The following IGSF5 variants were observed in gnomAD, a reference collection of about 807,000 sequenced individuals.
IGSF5 encodes the protein immunoglobulin superfamily 5 like.
IGSF5 carries 41 observed loss-of-function variants against 39.4 expected under a neutral mutation model. The ratio of observed to expected loss-of-function variants is 1.04; its 90% confidence interval spans 0.81 to 1.35. The LOEUF is 1.35. Among genes scored for constraint, IGSF5 ranks in the 40% most tolerant of loss-of-function variants. The pLI is 0.00. For synonymous variants in IGSF5, 183 were observed against 175.3 expected (o/e 1.04, Z -0.34); for missense variants, 487 against 494.6 (o/e 0.98, Z 0.15).
intron 1 of IGSF5, among the ~76,000 whole-genome samples, chr21:39,745,834 G>A (rs1334612815): frequency 6.6e-6 from 1 of 152,116 alleles, no homozygotes; most frequent in East Asian, 1.9e-4. Context: ...TCTAAGGAAG[G>A]CTAGGACAGT....
intron 8 of IGSF5, among the ~76,000 whole-genome samples, chr21:39,797,142 T>C (rs1435027983): frequency 1.3e-5 from 2 of 151,958 alleles, no homozygotes; most frequent in Non-Finnish European, 2.9e-5. Flanking sequence ...GAGAATACCT[T>C]CCATGCCCAG....
chr21:39,726,825 A>G, the IGSF5 span, among the ~76,000 whole-genome samples: 1 of 152,204 alleles, frequency 6.6e-6, no homozygotes, highest in African/African-American at 2.4e-5. Flanking sequence ...GCATAACATC[A>G]GCCCAAACCA....
At chr21:39,789,542 G>T (rs1196661306) in intron 6 of IGSF5, among the ~76,000 whole-genome samples, 2 of 152,034 alleles carry the variant, frequency 1.3e-5, no homozygotes, top group African/African-American at 4.8e-5. Context: ...CCCCTTTCAC[G>T]ATGTCCATGG....
chr21:39,768,187 A>T (rs2080095883), intron 3 of IGSF5, among the ~76,000 whole-genome samples: 1 of 152,208 alleles, frequency 6.6e-6, no homozygotes, highest in Non-Finnish European at 1.5e-5. Flanking sequence ...CTTGGCCTGA[A>T]CTTCATCCCT....
the IGSF5 span, among the ~76,000 whole-genome samples, chr21:39,734,796 A>G: frequency 6.6e-6 from 1 of 152,212 alleles, no homozygotes; most frequent in African/African-American, 2.4e-5. Flanking sequence ...TAATGTATTT[A>G]CTGATAGGAA....
At chr21:39,720,853 T>C in the IGSF5 span, among the ~76,000 whole-genome samples, 2 of 152,188 alleles carry the variant, frequency 1.3e-5, no homozygotes, top group African/African-American at 2.4e-5. Flanking sequence ...TATGATCATA[T>C]TACTTTTTTT....
chr21:39,782,443 A>G (rs954177971), intron 5 of IGSF5, among the ~76,000 whole-genome samples: 1 of 152,206 alleles, frequency 6.6e-6, no homozygotes, highest in African/African-American at 2.4e-5. Context: ...TGCAACCATC[A>G]CTACCATCCA....
chr21:39,712,232 G>C, the IGSF5 span, among the ~76,000 whole-genome samples: 1 of 152,192 alleles, frequency 6.6e-6, no homozygotes, highest in Admixed American at 6.5e-5. Flanking sequence ...GCTTCTTTGA[G>C]CTATCAGGAC....
At chr21:39,746,322 C>T (rs752433786) in intron 2 of IGSF5, 24 bp downstream of exon 2, 20 of 700,144 alleles carry the variant, frequency 2.9e-5, no homozygotes, top group East Asian at 5.4e-5. Flanking sequence ...CAGCTCGAGC[C>T]GTAACAAACA....
chr21:39,769,255 C>T (rs2080101846), intron 3 of IGSF5, among the ~76,000 whole-genome samples: 2 of 152,076 alleles, frequency 1.3e-5, no homozygotes, highest in African/African-American at 4.8e-5. Flanking sequence ...GCGGGCAGCT[C>T]ACTTGAGCCC....
chr21:39,738,985 T>C, the IGSF5 span, among the ~76,000 whole-genome samples: 28 of 151,760 alleles, frequency 1.8e-4, no homozygotes, highest in African/African-American at 6.5e-4. This position sits in a 1 kb window ranked among gnomAD's most constrained non-coding sequence, Gnocchi z 6.4. Context: ...ATCTCCCGGG[T>C]TCAAGCAATT....
At chr21:39,735,018 C>T in the IGSF5 span, among the ~76,000 whole-genome samples, 1 of 151,964 alleles carries the variant, frequency 6.6e-6, no homozygotes, top group African/African-American at 2.4e-5. Flanking sequence ...TGTGTGCCAC[C>T]ACACCTGGAT....
the IGSF5 span, among the ~76,000 whole-genome samples, chr21:39,713,865 T>C: frequency 6.6e-6 from 1 of 152,256 alleles, no homozygotes; most frequent in Non-Finnish European, 1.5e-5. Flanking sequence ...CTTCATAGGG[T>C]TTCTCTCTTA....
At chr21:39,767,958 A>G (rs1022062866) in intron 3 of IGSF5, among the ~76,000 whole-genome samples, 1 of 152,248 alleles carries the variant, frequency 6.6e-6, no homozygotes, top group Non-Finnish European at 1.5e-5. Flanking sequence ...GATCACAGGC[A>G]TGGCTTATTA....
intron 8 of IGSF5, 113 bp downstream of exon 8, chr21:39,793,726 T>G: frequency 1.2e-6 from 1 of 824,366 alleles, no homozygotes; most frequent in Non-Finnish European, 2.0e-6. Flanking sequence ...TGGTGGCATG[T>G]TGCCTTTCCT....
chr21:39,780,255 G>A (rs575654388), intron 5 of IGSF5, among the ~76,000 whole-genome samples: 7 of 152,306 alleles, frequency 4.6e-5, no homozygotes, highest in African/African-American at 1.7e-4. Context: ...TTGGCTTTAA[G>A]AGTCCTTGAA....
chr21:39,723,881 T>C, the IGSF5 span, among the ~76,000 whole-genome samples: 49 of 152,068 alleles, frequency 3.2e-4, no homozygotes, highest in African/African-American at 9.7e-4. Context: ...GCATGGTGGC[T>C]CATGCCTGTA....
chr21:39,728,445 G>T, the IGSF5 span, among the ~76,000 whole-genome samples: 1 of 152,296 alleles, frequency 6.6e-6, no homozygotes, highest in East Asian at 1.9e-4. Flanking sequence ...AGGCCAGGAA[G>T]GATTCCCTCC....
intron 5 of IGSF5, among the ~76,000 whole-genome samples, chr21:39,787,750 C>T (rs11088495): frequency 0.35 from 53,612 of 151,764 alleles, 10,946 homozygotes; most frequent in East Asian, 0.63. Context: ...TAGTACTTTG[C>T]ACAGAGCCCG....
Sources: gnomAD v4.1 joint callset for allele counts (sites outside exome capture counted in the v4.1 genomes callset) on GRCh38, gnomAD v4.1.1 for gene constraint, Gnocchi (gnomAD v3.1) non-coding constraint, MANE v1.5 for transcripts, NCBI Gene and HGNC (gene_info 2026-07-23, HGNC 2026-07-21) for gene names.